Variants in KCTD8 observed in about 807,000 individuals in gnomAD.
KCTD8 encodes the protein potassium channel tetramerization domain containing 8, also known as BTB/POZ domain-containing protein KCTD8.
A neutral mutation model predicts 31.5 loss-of-function variants in KCTD8; 27 were observed. The ratio of observed to expected loss-of-function variants is 0.86; its 90% CI spans 0.63 to 1.18. The LOEUF (loss-of-function observed/expected upper bound fraction) is 1.18, where lower values mean the gene tolerates loss of function less well. Among genes scored for constraint, KCTD8 ranks in the 50% most tolerant of loss-of-function variants. The pLI is 0.00. For missense variants in KCTD8, 658 were observed against 647.7 expected, an observed-to-expected ratio of 1.02 and a Z score of -0.17; for synonymous variants, 290 against 280.0, an observed-to-expected ratio of 1.04 and a Z score of -0.36.
intron 1 of KCTD8, among the ~76,000 whole-genome samples, chr4:44,208,643 T>C (rs572815038): frequency 5.3e-4 from 80 of 152,298 alleles, no homozygotes; most frequent in African/African-American, 1.8e-3. Flanking sequence ...TTGGAATAAT[T>C]GGGCTACAGA....
chr4:44,247,668 T>C (rs1257761595), intron 1 of KCTD8, among the ~76,000 whole-genome samples: 2 of 151,928 alleles, frequency 1.3e-5, no homozygotes, highest in African/African-American at 4.8e-5. Context: ...TCTGTTTCTG[T>C]GGATTTGACT....
intron 1 of KCTD8, among the ~76,000 whole-genome samples, chr4:44,383,612 C>T (rs1720132194): frequency 6.6e-6 from 1 of 151,950 alleles, no homozygotes; most frequent in African/African-American, 2.4e-5. Context: ...AACTGAATAA[C>T]CATAAACACA....
chr4:44,304,745 T>C (rs1178808300), intron 1 of KCTD8, among the ~76,000 whole-genome samples: 2 of 152,132 alleles, frequency 1.3e-5, no homozygotes. Flanking sequence ...CTCTTTGTTT[T>C]TACAAAGCCC....
intron 1 of KCTD8, among the ~76,000 whole-genome samples, chr4:44,258,890 G>A (rs1169417119): frequency 6.6e-6 from 1 of 151,730 alleles, no homozygotes. Context: ...CCCTCCCTAT[G>A]TCTCAGTTTC....
At chr4:44,383,547 A>G (rs540862334) in intron 1 of KCTD8, among the ~76,000 whole-genome samples, 6 of 152,204 alleles carry the variant, frequency 3.9e-5, no homozygotes, top group African/African-American at 1.4e-4. Flanking sequence ...CAACAGTGGC[A>G]AGAATGTACA....
chr4:44,422,405 A>G (rs532632451), intron 1 of KCTD8, among the ~76,000 whole-genome samples: 7 of 152,090 alleles, frequency 4.6e-5, no homozygotes, highest in Non-Finnish European at 1.0e-4. Context: ...ATCCATAGCC[A>G]AGGAAGAATC....
In KCTD8 at chr4:44,175,062, G is replaced by A; in HGVS notation, c.1150C>T (p.Pro384Ser). The A allele has an allele frequency of 6.2e-7, 1 of 1,614,052 alleles. No individual in the cohort carries two copies. Among genetic ancestry groups the A allele is most frequent in the African/African-American group, 1.3e-5 (1 of 75,034 alleles). The change falls in exon 2 of 2, where the codon CCT becomes TCT. Residue 384 changes from proline to serine, a missense_variant. By Grantham distance (74) the Pro-to-Ser change is moderately conservative. Coordinates refer to ENST00000360029, the MANE Select transcript of KCTD8 (RefSeq NM_198353.3). ...GGGCGATCCAATGTTAAAGTGTTAGGTTGGTGAGCTGTTGCCTGCTGGGCA... is the reference window on the plus strand; with the variant it reads ...GGGCGATCCAATGTTAAAGTGTTAGATTGGTGAGCTGTTGCCTGCTGGGCA... ...SSAQQATAHQ[P>S]NTLTLDRPSK...
At chr4:44,402,959 C>T (rs1204118804) in intron 1 of KCTD8, among the ~76,000 whole-genome samples, 1 of 152,104 alleles carries the variant, frequency 6.6e-6, no homozygotes, top group African/African-American at 2.4e-5. Context: ...ATAAATGTGC[C>T]CCTTGGCACC....
chr4:44,413,826 T>C (rs1010954917), intron 1 of KCTD8, among the ~76,000 whole-genome samples: 2 of 151,964 alleles, frequency 1.3e-5, no homozygotes, highest in African/African-American at 2.4e-5. Context: ...TCCTGCATTA[T>C]CCAGAAGAGC....
At position 44,448,432 on chromosome 4, in the gene KCTD8, G is replaced by A. The variant is rs1425729397; in HGVS notation, c.92C>T (p.Ala31Val). 3 of 1,553,902 alleles carry A rather than the reference G, an allele frequency of 1.9e-6. No individual in the cohort carries two copies. Among genetic ancestry groups the A allele is most frequent in the East Asian group, 4.5e-5 (2 of 44,026 alleles). Residue 31 changes from alanine (A) to valine (V), a missense_variant, in exon 1 of 2, where the codon GCC becomes GTC. Transcript: ENST00000360029. This position sits in a 1 kb window ranked among gnomAD's most constrained non-coding sequence, Gnocchi z 4.1. The stretch of plus-strand genomic sequence containing the variant: ...GGGTGCGCAGGGCCCCGGGGCGGCG[G>A]CGGCCGACGCGCCGGGCGAGCTGGA... ...SSSSSPGASA[A>V]AAPGPCAPSP... is the part of the protein sequence containing the mutation.
intron 1 of KCTD8, among the ~76,000 whole-genome samples, chr4:44,415,598 G>A (rs1721061047): frequency 6.6e-6 from 1 of 152,182 alleles, no homozygotes. Context: ...ACTGCTCCCT[G>A]CATTCCAGCT....
intron 1 of KCTD8, among the ~76,000 whole-genome samples, chr4:44,186,411 C>T (rs1441589108): frequency 6.6e-6 from 1 of 152,238 alleles, no homozygotes; most frequent in East Asian, 1.9e-4. Flanking sequence ...TCCAAGCCCA[C>T]ATGTAACCCA....
At chr4:44,255,843 T>C (rs991469552) in intron 1 of KCTD8, among the ~76,000 whole-genome samples, 1 of 152,000 alleles carries the variant, frequency 6.6e-6, no homozygotes, top group Non-Finnish European at 1.5e-5. Flanking sequence ...AAATATATCT[T>C]AAACAGGACA....
chr4:44,442,984 C>A (rs748829446), intron 1 of KCTD8, among the ~76,000 whole-genome samples: 16 of 152,250 alleles, frequency 1.1e-4, no homozygotes, highest in Non-Finnish European at 1.6e-4. Flanking sequence ...AGAATTATGC[C>A]AGATATAAAA....
chr4:44,316,198 T>C (rs766845351), intron 1 of KCTD8, among the ~76,000 whole-genome samples: 31 of 152,314 alleles, frequency 2.0e-4, no homozygotes, highest in Non-Finnish European at 3.4e-4. Flanking sequence ...TTTGTTCTGC[T>C]ATATATCTTA....
intron 1 of KCTD8, among the ~76,000 whole-genome samples, chr4:44,259,045 T>A (rs1360728916): frequency 1.4e-4 from 22 of 151,970 alleles, no homozygotes; most frequent in Admixed American, 1.4e-3. Flanking sequence ...ATATATAATT[T>A]CCACAATTAA....
At chr4:44,193,111 TA>T (rs1713815472) in intron 1 of KCTD8, among the ~76,000 whole-genome samples, 1 of 152,180 alleles carries the variant, frequency 6.6e-6, no homozygotes, top group African/African-American at 2.4e-5. Flanking sequence ...TTGAAAAAGA[TA>T]ATAAGCTGAG....
chr4:44,298,262 T>C (rs1560418955), intron 1 of KCTD8, among the ~76,000 whole-genome samples: 1 of 152,104 alleles, frequency 6.6e-6, no homozygotes, highest in Admixed American at 6.5e-5. Flanking sequence ...TCCTTTCCCA[T>C]AAATAGTCTG....
intron 1 of KCTD8, among the ~76,000 whole-genome samples, chr4:44,228,233 G>T (rs1715019165): frequency 1.3e-5 from 2 of 152,112 alleles, no homozygotes; most frequent in Non-Finnish European, 2.9e-5. Flanking sequence ...AGCAGGATTG[G>T]TTCTTCTGAG....
Sources: gnomAD v4.1 joint callset for allele counts (sites outside exome capture counted in the v4.1 genomes callset) on GRCh38, gnomAD v4.1.1 for gene constraint, Gnocchi (gnomAD v3.1) non-coding constraint, MANE v1.5 for transcripts, NCBI Gene and HGNC (gene_info 2026-07-23, HGNC 2026-07-21) for gene names.